TATDN1: variants seen among roughly 807,000 people sequenced by gnomAD.
TATDN1 encodes deoxyribonuclease TATDN1.
A neutral mutation model predicts 46.4 loss-of-function variants in TATDN1; 40 were observed. That is an observed-to-expected ratio of 0.86 (90% CI 0.67 to 1.12). The LOEUF (loss-of-function observed/expected upper bound fraction) is 1.12. TATDN1 is among the 50% of genes most tolerant of loss of function. TATDN1 has a pLI of 0.00. For synonymous variants in TATDN1, 95 were observed against 105.6 expected (o/e 0.90, Z 0.62); for missense variants, 326 against 348.4 (o/e 0.94, Z 0.51).
intron 3 of TATDN1, among the ~76,000 whole-genome samples, chr8:124,520,544 G>A (rs1034173243): frequency 5.3e-5 from 8 of 151,530 alleles, no homozygotes; most frequent in Admixed American, 1.3e-4. Flanking sequence ...TTTAAATTAC[G>A]TAAAATACTA....
chr8:124,527,968 T>C (rs984648636), intron 1 of TATDN1, among the ~76,000 whole-genome samples: 2 of 152,130 alleles, frequency 1.3e-5, no homozygotes, highest in Non-Finnish European at 1.5e-5. Flanking sequence ...TAATTCTGGT[T>C]TTAACAGGGG....
intron 1 of TATDN1, 103 bp downstream of exon 1, chr8:124,538,922 C>T: frequency 7.0e-7 from 1 of 1,434,398 alleles, no homozygotes; most frequent in Non-Finnish European, 9.7e-7. Flanking sequence ...CCCTTTCAAC[C>T]CTTACAATGC....
At chr8:124,509,988 ACCACTGCACT>A (rs1273686887) in intron 6 of TATDN1, among the ~76,000 whole-genome samples, 2 of 151,050 alleles carry the variant, frequency 1.3e-5, no homozygotes, top group Non-Finnish European at 2.9e-5. Flanking sequence ...CTGAGATTGT[ACCACTGCACT>A]CCAGCCTGGG....
intron 9 of TATDN1, among the ~76,000 whole-genome samples, chr8:124,499,901 G>A (rs1343591594): frequency 6.8e-6 from 1 of 147,924 alleles, no homozygotes; most frequent in South Asian, 2.1e-4. Context: ...CTGGAGTGCA[G>A]TGGCATGATT....
In TATDN1 at chr8:124,507,052, C is replaced by T. The variant is rs371924502; in HGVS notation, c.516+1422G>A. 2.7e-4 allele frequency among the ~76,000 whole-genome samples: 41 copies of T among 152,044 alleles called. 1 individual carries two copies. The South Asian group carries it at 6.6e-3, about 25-fold the overall frequency. On this transcript the variant is annotated intron_variant, in intron 8 of 11. Transcript: ENST00000276692. Reference sequence around the variant, plus strand: ...TGGTGTGCACCTGTAGTCCCAGGTACTTGGGAGGCTGAGGCAGGAGAATTG... The same window carrying T: ...TGGTGTGCACCTGTAGTCCCAGGTATTTGGGAGGCTGAGGCAGGAGAATTG...
Position 124,494,214 on chromosome 8 carries a change from C to T in TATDN1, c.665-255G>A, listed in dbSNP as rs115062549. Reference sequence around the variant, plus strand: ...TGTGCAGCATGCTTTAAAAAAAAGACCTAAACCTTAAATACAATTGTATAA... The same window carrying T: ...TGTGCAGCATGCTTTAAAAAAAAGATCTAAACCTTAAATACAATTGTATAA... On this transcript the variant is annotated intron_variant, in intron 10 of 11. Transcript: ENST00000276692. The T allele has an allele frequency of 1.9e-3, 496 of 262,216 alleles. 4 individuals are homozygous for T. The highest frequency in any genetic ancestry group is 8.2e-3 in the Middle Eastern group (7 of 858). The allele number at this position is 262,216 out of a possible 1,614,324, so 16.2% of individuals were successfully genotyped here.
intron 1 of TATDN1, among the ~76,000 whole-genome samples, chr8:124,529,997 A>C (rs1268023576): frequency 6.6e-6 from 1 of 152,190 alleles, no homozygotes; most frequent in African/African-American, 2.4e-5. Context: ...ATGCTGAGGC[A>C]GGAGAATCGC....
At chr8:124,492,751 C>CAA (rs397892964) in intron 11 of TATDN1, among the ~76,000 whole-genome samples, 9,499 of 71,892 alleles carry the variant, frequency 0.13, 618 homozygotes, top group Non-Finnish European at 0.19. Context: ...AAGATGGTCT[C>CAA]AAAAAAAAAA....
intron 1 of TATDN1, among the ~76,000 whole-genome samples, chr8:124,530,629 C>T (rs1391646125): frequency 1.3e-5 from 2 of 152,180 alleles, no homozygotes; most frequent in Non-Finnish European, 2.9e-5. Flanking sequence ...CATCTCACTA[C>T]AGGAACAAAG....
At chr8:124,497,331 G>A (rs933747748) in intron 9 of TATDN1, among the ~76,000 whole-genome samples, 1 of 150,744 alleles carries the variant, frequency 6.6e-6, no homozygotes, top group African/African-American at 2.4e-5. Context: ...TGTTGCCCAG[G>A]CTGGAGTGCG....
At chr8:124,496,087 A>G (rs1413418334) in intron 9 of TATDN1, among the ~76,000 whole-genome samples, 1 of 152,264 alleles carries the variant, frequency 6.6e-6, no homozygotes, top group Non-Finnish European at 1.5e-5. Flanking sequence ...GAATGCAAAC[A>G]TAAATGCTTC....
intron 4 of TATDN1, among the ~76,000 whole-genome samples, chr8:124,517,112 T>C (rs924582648): frequency 2.0e-5 from 3 of 152,218 alleles, no homozygotes; most frequent in Non-Finnish European, 2.9e-5. Flanking sequence ...CCCTGGAAGA[T>C]AGTCTATCTT....
At chr8:124,516,076 A>AT in intron 4 of TATDN1, 46 bp from the exon 5 acceptor site, 1 of 1,445,066 alleles carries the variant, frequency 6.9e-7, no homozygotes, top group Non-Finnish European at 9.2e-7. Flanking sequence ...GTATTTTCTC[A>AT]TATTTATATT....
At chr8:124,521,894 A>C in intron 3 of TATDN1, 1 of 316,988 alleles carries the variant, frequency 3.2e-6, no homozygotes, top group South Asian at 8.4e-5. Flanking sequence ...TAATTCACAT[A>C]GGTTTAAAAA....
At chr8:124,489,599 A>C (rs1190918516) in intron 11 of TATDN1, 1 of 152,008 alleles carries the variant, frequency 6.6e-6, no homozygotes, top group African/African-American at 2.4e-5. Context: ...TTTTTAGTAG[A>C]GACGGGGTTT....
chr8:124,528,284 C>T (rs1398539773), intron 1 of TATDN1, among the ~76,000 whole-genome samples: 6 of 152,186 alleles, frequency 3.9e-5, no homozygotes, highest in African/African-American at 1.2e-4. Flanking sequence ...CGCCATTCCC[C>T]TGCCTCGGCC....
At chr8:124,531,457 G>A (rs1586679301) in intron 1 of TATDN1, among the ~76,000 whole-genome samples, 1 of 152,166 alleles carries the variant, frequency 6.6e-6, no homozygotes. Context: ...TAAAAGGGCA[G>A]ATTTAAAAAA....
intron 8 of TATDN1, among the ~76,000 whole-genome samples, chr8:124,507,093 C>G (rs1489626286): frequency 1.3e-5 from 2 of 151,510 alleles, no homozygotes; most frequent in Non-Finnish European, 2.9e-5. Flanking sequence ...ACCCAGGTGA[C>G]GGAGGTTGCA....
At chr8:124,526,336 C>T (rs1586665225) in intron 1 of TATDN1, among the ~76,000 whole-genome samples, 1 of 152,152 alleles carries the variant, frequency 6.6e-6, no homozygotes, top group Non-Finnish European at 1.5e-5. Flanking sequence ...TTGAGGTTGA[C>T]AATAGTATCT....
Sources: gnomAD v4.1 joint callset for allele counts (sites outside exome capture counted in the v4.1 genomes callset) on GRCh38, gnomAD v4.1.1 for gene constraint, MANE v1.5 for transcripts, NCBI Gene and HGNC (gene_info 2026-07-23, HGNC 2026-07-21) for gene names.